USP10: variants seen among roughly 807,000 people sequenced by gnomAD.
The protein encoded by USP10 is ubiquitin carboxyl-terminal hydrolase 10.
In USP10, 22 loss-of-function variants were observed where a neutral mutation model predicts 84.5. That is an observed-to-expected ratio of 0.26 (90% CI 0.19 to 0.37). USP10 has a LOEUF of 0.37. Ranked by LOEUF, USP10 falls within the 10% of genes least tolerant of loss-of-function variation. The pLI is 1.00. For missense variants in USP10, 1,019 were observed against 998.9 expected (o/e 1.02, Z -0.27); for synonymous variants, 454 against 387.6 (o/e 1.17, Z -2.01).
intron 1 of USP10, among the ~76,000 whole-genome samples, chr16:84,725,241 C>T (rs1908305542): frequency 6.6e-6 from 1 of 152,164 alleles, no homozygotes; most frequent in Non-Finnish European, 1.5e-5. Flanking sequence ...CATGATCTTT[C>T]TGTGTCTGGT....
At chr16:84,727,222 A>C (rs1184161321) in intron 1 of USP10, among the ~76,000 whole-genome samples, 1 of 152,210 alleles carries the variant, frequency 6.6e-6, no homozygotes, top group Non-Finnish European at 1.5e-5. Context: ...GTTATGGGCA[A>C]AACTAATTCA....
intron 3 of USP10, among the ~76,000 whole-genome samples, chr16:84,743,021 G>C (rs1321034020): frequency 1.3e-5 from 2 of 152,162 alleles, no homozygotes; most frequent in East Asian, 3.9e-4. Context: ...GGCTCCACAT[G>C]GAGCCTTCCG....
At chr16:84,710,058 T>G (rs575074891) in intron 1 of USP10, among the ~76,000 whole-genome samples, 1 of 152,080 alleles carries the variant, frequency 6.6e-6, no homozygotes, top group Non-Finnish European at 1.5e-5. Flanking sequence ...TCACTTGAGG[T>G]AAGGAGTTTG....
intron 13 of USP10, among the ~76,000 whole-genome samples, chr16:84,777,373 C>T (rs1299505444): frequency 2.0e-5 from 3 of 152,230 alleles, no homozygotes; most frequent in Non-Finnish European, 4.4e-5. Flanking sequence ...TGAAGCAAAA[C>T]TCTTAGCCCA....
chr16:84,749,352 G>A (rs1911629845), intron 4 of USP10, among the ~76,000 whole-genome samples: 2 of 152,120 alleles, frequency 1.3e-5, no homozygotes, highest in Non-Finnish European at 2.9e-5. Context: ...CTGTTGATGT[G>A]GGTTATAATA....
chr16:84,719,169 A>G (rs1185156965), intron 1 of USP10, among the ~76,000 whole-genome samples: 1 of 152,206 alleles, frequency 6.6e-6, no homozygotes, highest in African/African-American at 2.4e-5. Context: ...AAGCACTAAA[A>G]GAGTTCCCAT....
At chr16:84,749,498 G>C (rs1033554285) in intron 4 of USP10, among the ~76,000 whole-genome samples, 6 of 151,962 alleles carry the variant, frequency 3.9e-5, no homozygotes, top group Admixed American at 6.6e-5. Flanking sequence ...ATAGTGTGGA[G>C]ATTGAGGCTT....
chr16:84,738,163 C>G (rs1910179405), intron 2 of USP10, among the ~76,000 whole-genome samples: 1 of 152,180 alleles, frequency 6.6e-6, no homozygotes, highest in Non-Finnish European at 1.5e-5. Flanking sequence ...GCTGCAGTCT[C>G]TCGGGTCTGG....
intron 1 of USP10, among the ~76,000 whole-genome samples, chr16:84,716,986 C>T (rs1907104979): frequency 6.6e-6 from 1 of 152,178 alleles, no homozygotes; most frequent in Non-Finnish European, 1.5e-5. Context: ...CATAGTAGAG[C>T]TTCGGGATTA....
intron 11 of USP10, among the ~76,000 whole-genome samples, chr16:84,771,268 G>A (rs8059636): frequency 0.018 from 2,770 of 152,198 alleles, 84 homozygotes; most frequent in African/African-American, 0.063. Flanking sequence ...TAGCTTTAAA[G>A]GTTATTTAAA....
At chr16:84,737,296 C>T (rs1333735771) in intron 2 of USP10, among the ~76,000 whole-genome samples, 1 of 152,168 alleles carries the variant, frequency 6.6e-6, no homozygotes, top group Non-Finnish European at 1.5e-5. Context: ...ACAGTTTTTT[C>T]CCTTGCTCAC....
At position 84,779,163 on chromosome 16, in the gene USP10, G is replaced by A; in HGVS notation, c.*81G>A. 2.0e-6 allele frequency: 3 copies of A among 1,485,426 alleles called. No individual in the cohort carries two copies. The highest frequency in any genetic ancestry group is 2.7e-6 in the Non-Finnish European group (3 of 1,100,680). The allele number at this position is 1,485,426 out of a possible 1,614,324, so 92.0% of individuals were successfully genotyped here. ...ACTCACTTCCCGCCTCTCTTTAGTG[G>A]CTCTTTAGAGAGAAACTCTTTCTCC... On this transcript the variant is annotated 3_prime_UTR_variant, in exon 14 of 14. Transcript: ENST00000219473.
chr16:84,734,742 C>A (rs1451257410), intron 2 of USP10, among the ~76,000 whole-genome samples: 1 of 152,000 alleles, frequency 6.6e-6, no homozygotes. Context: ...AGATATTTGT[C>A]TGTTTTCTTC....
intron 3 of USP10, among the ~76,000 whole-genome samples, chr16:84,742,679 A>C (rs1332421785): frequency 6.6e-6 from 1 of 152,198 alleles, no homozygotes; most frequent in Non-Finnish European, 1.5e-5. Context: ...TCTGCCTGGC[A>C]CATTGGGCTC....
At chr16:84,761,718 A>G (rs766327084) in intron 8 of USP10, among the ~76,000 whole-genome samples, 6 of 152,288 alleles carry the variant, frequency 3.9e-5, no homozygotes, top group Non-Finnish European at 8.8e-5. Flanking sequence ...AGTGTTCAGC[A>G]GAAAGCACAT....
chr16:84,728,524 G>A (rs904665897), intron 1 of USP10, among the ~76,000 whole-genome samples: 1 of 151,992 alleles, frequency 6.6e-6, no homozygotes, highest in Non-Finnish European at 1.5e-5. Context: ...ATTTTTAATA[G>A]AGACGGGGTT....
chr16:84,727,011 G>A (rs1269552730), intron 1 of USP10, among the ~76,000 whole-genome samples: 3 of 152,230 alleles, frequency 2.0e-5, no homozygotes, highest in Non-Finnish European at 4.4e-5. Context: ...TGTGGGAAGG[G>A]CAGAGTTAGC....
chr16:84,754,288 C>G lies in USP10; in HGVS notation c.1193-4428C>G, dbSNP rs556646622. ...ATTTTAGTTTATGAAAGACTTGCCA[C>G]TAGATAAAATTTTTCTACAGTAACA... On this transcript the variant is annotated intron_variant, in intron 4 of 13. Transcript: ENST00000219473. Among the ~76,000 whole-genome samples, 9 of 152,084 alleles carry G rather than the reference C, an allele frequency of 5.9e-5. No individual in the cohort carries two copies. The East Asian group carries it at 1.7e-3, about 29-fold the overall frequency.
intron 10 of USP10, among the ~76,000 whole-genome samples, chr16:84,764,958 G>T (rs1913684404): frequency 9.6e-6 from 1 of 103,752 alleles, no homozygotes. Context: ...ATATATATTA[G>T]ACTTCATCTG....
Sources: gnomAD v4.1 joint callset for allele counts (sites outside exome capture counted in the v4.1 genomes callset) on GRCh38, gnomAD v4.1.1 for gene constraint, MANE v1.5 for transcripts, NCBI Gene and HGNC (gene_info 2026-07-23, HGNC 2026-07-21) for gene names.